Variants in PPM1L observed in about 807,000 individuals in gnomAD.
The protein encoded by PPM1L is protein phosphatase 1L.
Under a neutral mutation model 31.4 loss-of-function variants are expected in PPM1L, and 13 were observed. That is an observed-to-expected ratio of 0.41 (90% CI 0.27 to 0.66). PPM1L has a LOEUF of 0.66. Ranked by LOEUF, PPM1L falls within the 30% of genes least tolerant of loss-of-function variation. PPM1L has a pLI of 0.29. For missense variants in PPM1L, 326 were observed against 453.7 expected, an observed-to-expected ratio of 0.72 and a Z score of 2.56; for synonymous variants, 184 against 175.4, an observed-to-expected ratio of 1.05 and a Z score of -0.39.
intron 1 of PPM1L, among the ~76,000 whole-genome samples, chr3:160,954,038 T>C (rs773747862): frequency 2.0e-5 from 3 of 152,174 alleles, no homozygotes; most frequent in Non-Finnish European, 2.9e-5. Context: ...AAATTAATTT[T>C]TTTTTCTAAT....
chr3:160,899,113 C>T (rs186599397), intron 1 of PPM1L, among the ~76,000 whole-genome samples: 37 of 152,218 alleles, frequency 2.4e-4, no homozygotes, highest in African/African-American at 8.4e-4. Flanking sequence ...ATGATAGTAG[C>T]CCCACTAATG....
chr3:160,800,064 T>G (rs976133303), intron 1 of PPM1L, among the ~76,000 whole-genome samples: 11 of 152,236 alleles, frequency 7.2e-5, no homozygotes, highest in African/African-American at 2.7e-4. Context: ...TTTTTATTCA[T>G]GCCACATTTT....
At chr3:160,898,528 A>T (rs1163802132) in intron 1 of PPM1L, among the ~76,000 whole-genome samples, 1 of 152,194 alleles carries the variant, frequency 6.6e-6, no homozygotes, top group African/African-American at 2.4e-5. Flanking sequence ...ATAACCTCAC[A>T]TAAGATTGCT....
chr3:160,878,058 T>C (rs530490758), intron 1 of PPM1L, among the ~76,000 whole-genome samples: 7 of 152,308 alleles, frequency 4.6e-5, no homozygotes, highest in Non-Finnish European at 7.4e-5. Flanking sequence ...AGGGAAACCT[T>C]ATCGAGGACT....
intron 1 of PPM1L, among the ~76,000 whole-genome samples, chr3:160,788,846 G>T (rs1318664906): frequency 6.6e-6 from 1 of 151,628 alleles, no homozygotes; most frequent in Non-Finnish European, 1.5e-5. Context: ...TACCTGTAGG[G>T]TCTATTTCTG....
chr3:160,847,798 C>A (rs1040077182), intron 1 of PPM1L, among the ~76,000 whole-genome samples: 3 of 152,158 alleles, frequency 2.0e-5, no homozygotes, highest in Admixed American at 6.5e-5. Context: ...CAGATTGGGA[C>A]CAATATTGGG....
intron 2 of PPM1L, among the ~76,000 whole-genome samples, chr3:161,034,713 G>A (rs745446645): frequency 4.6e-5 from 7 of 151,720 alleles, no homozygotes; most frequent in Non-Finnish European, 1.0e-4. Flanking sequence ...GACTAGGGGA[G>A]GTAGGGGAGG....
At chr3:160,903,473 A>G (rs901460709) in intron 1 of PPM1L, among the ~76,000 whole-genome samples, 2 of 152,154 alleles carry the variant, frequency 1.3e-5, no homozygotes, top group African/African-American at 2.4e-5. Flanking sequence ...AAATCATCTG[A>G]TTGTGATATT....
rs151281544 is a variant in PPM1L at position 161,031,605 on chromosome 3, G to A, written c.575-33798G>A. Among the ~76,000 whole-genome samples, 36 of 149,314 alleles carry A rather than the reference G, an allele frequency of 2.4e-4. 1 individual carries two copies. In the East Asian group the frequency reaches 6.9e-3, roughly 29 times the overall value. On this transcript the variant is annotated intron_variant, in intron 2 of 3. Transcript: ENST00000498165. ...AGCCTCAAACTCCTGGGCTCAAAGGGTCCTCCCACCTCAGCCTCCTGAGTA... is the reference window on the plus strand; with the variant it reads ...AGCCTCAAACTCCTGGGCTCAAAGGATCCTCCCACCTCAGCCTCCTGAGTA...
chr3:161,071,687 A>G lies in PPM1L; in HGVS notation c.*2530A>G, dbSNP rs1719923535. The G allele has an allele frequency of 6.6e-6, 1 of 152,206 alleles. No individual in the cohort carries two copies. The highest frequency in any genetic ancestry group is 6.5e-5 in the Admixed American group (1 of 15,286). 9.4% of individuals were successfully genotyped at this position (152,206 alleles called of 1,614,324 possible). On this transcript the variant is annotated 3_prime_UTR_variant, in exon 4 of 4. Transcript: ENST00000498165. ...AATAGTTGTTAGGATAGTTATATCTAAAATCAGAGTATTTTGTTCCCTTCC... is the reference window on the plus strand; with the variant it reads ...AATAGTTGTTAGGATAGTTATATCTGAAATCAGAGTATTTTGTTCCCTTCC...
intron 1 of PPM1L, among the ~76,000 whole-genome samples, chr3:160,851,023 T>C (rs1711507510): frequency 6.6e-6 from 1 of 152,154 alleles, no homozygotes; most frequent in African/African-American, 2.4e-5. Context: ...CTAAAAGACA[T>C]GCTTGTAAAT....
At chr3:160,976,304 A>G (rs1447320078) in intron 2 of PPM1L, among the ~76,000 whole-genome samples, 3 of 146,766 alleles carry the variant, frequency 2.0e-5, no homozygotes, top group African/African-American at 7.6e-5. Context: ...TTTTGCATCA[A>G]TGTTCATCAA....
chr3:160,791,525 A>G (rs781651572), intron 1 of PPM1L, among the ~76,000 whole-genome samples: 13 of 152,212 alleles, frequency 8.5e-5, no homozygotes, highest in Admixed American at 2.0e-4. Context: ...CATTCATTCA[A>G]CCAAAAACCG....
chr3:161,071,309 A>G lies in PPM1L; in HGVS notation c.*2152A>G, dbSNP rs1362154079. 1 of 152,260 alleles carries G rather than the reference A, an allele frequency of 6.6e-6. No homozygotes were observed. Among genetic ancestry groups the G allele is most frequent in the African/African-American group, 2.4e-5 (1 of 41,462 alleles). 9.4% of individuals were successfully genotyped at this position (152,260 alleles called of 1,614,324 possible). On this transcript the variant is annotated 3_prime_UTR_variant, in exon 4 of 4. Transcript: ENST00000498165. The stretch of plus-strand genomic sequence containing the variant: ...TATTTTTAACGTAGCACAAAAATGT[A>G]TAATAGCAAGGAAAAGACATTTTTA...
intron 1 of PPM1L, among the ~76,000 whole-genome samples, chr3:160,809,191 G>C (rs550132224): frequency 6.6e-6 from 1 of 152,264 alleles, no homozygotes; most frequent in East Asian, 1.9e-4. Flanking sequence ...GAATTGCTTA[G>C]ATTATTATCC....
At chr3:160,933,410 T>C (rs1237673566) in intron 1 of PPM1L, among the ~76,000 whole-genome samples, 2 of 152,114 alleles carry the variant, frequency 1.3e-5, no homozygotes, top group African/African-American at 4.8e-5. Context: ...AAAAATAGGG[T>C]AAGCATAAAG....
intron 2 of PPM1L, among the ~76,000 whole-genome samples, chr3:161,064,895 T>C (rs544187204): frequency 1.2e-4 from 18 of 152,194 alleles, no homozygotes; most frequent in African/African-American, 4.1e-4. Context: ...TGTCAGACTT[T>C]GTATAGGCAA....
intron 1 of PPM1L, among the ~76,000 whole-genome samples, chr3:160,899,151 C>G (rs1713453078): frequency 2.0e-5 from 3 of 152,176 alleles, no homozygotes; most frequent in Non-Finnish European, 4.4e-5. Context: ...GATTCAGCAG[C>G]TTGCCCCAGA....
chr3:160,790,888 GA>G (rs1712085232), intron 1 of PPM1L, among the ~76,000 whole-genome samples: 1 of 152,096 alleles, frequency 6.6e-6, no homozygotes, highest in Admixed American at 6.6e-5. Flanking sequence ...ACGTGGGAAG[GA>G]AATTGTTGAG....
Sources: allele counts gnomAD v4.1 joint callset (sites outside exome capture counted in the v4.1 genomes callset), GRCh38; gene constraint gnomAD v4.1.1; transcripts MANE v1.5; gene names NCBI Gene and HGNC (gene_info 2026-07-23, HGNC 2026-07-21).